Variants in RP2 observed in about 807,000 individuals in gnomAD.
The protein encoded by RP2 is RP2 activator of ARL3 GTPase.
A neutral mutation model predicts 20.3 loss-of-function variants in RP2; 3 were observed. That is an observed-to-expected ratio of 0.15 (90% CI 0.07 to 0.38). The LOEUF (loss-of-function observed/expected upper bound fraction) is 0.38. Among genes scored for constraint, RP2 ranks in the 10% least tolerant of loss-of-function variants. The pLI is 1.00. For synonymous variants in RP2, 75 were observed against 94.8 expected (o/e 0.79, Z 1.22); for missense variants, 233 against 268.5 (o/e 0.87, Z 0.92).
At chrX:46,868,643 G>A (rs1339279222) in intron 3 of RP2, among the ~76,000 whole-genome samples, 7 of 107,781 alleles carry the variant, frequency 6.5e-5, no homozygotes, top group African/African-American at 1.7e-4. Flanking sequence ...AAAATTAGCC[G>A]GGCGTGGTGG....
chrX:46,862,602 G>A, intron 3 of RP2, among the ~76,000 whole-genome samples: 1 of 110,817 alleles, frequency 9.0e-6, no homozygotes, highest in Non-Finnish European at 1.9e-5. Context: ...GGAGCTTGCA[G>A]TGAGCCAAGA....
chrX:46,837,215 G>T lies in RP2; in HGVS notation c.102+13G>T, dbSNP rs371530596. 8.6e-7 allele frequency: 1 copy of T among 1,162,262 alleles called. No individual in the cohort carries two copies. The highest frequency in any genetic ancestry group is 1.9e-5 in the South Asian group (1 of 52,585). On this transcript the variant is annotated intron_variant, in intron 1 of 4. Coordinates refer to ENST00000218340, the MANE Select transcript of RP2 (RefSeq NM_006915.3). ...TCAGCGCGAGAAGGTAATGAAAGTC[G>T]TGTAGCCGCCGTCTCAGCCTCCCTG...
intron 3 of RP2, among the ~76,000 whole-genome samples, chrX:46,863,464 AG>A (rs1925113409): frequency 8.9e-6 from 1 of 112,421 alleles, no homozygotes; most frequent in East Asian, 2.8e-4. Flanking sequence ...GCTGCTCAGC[AG>A]TGCGCTGATT....
chrX:46,879,332 A>G (rs1556328303), intron 4 of RP2, among the ~76,000 whole-genome samples: 1 of 95,389 alleles, frequency 1.0e-5, no homozygotes, highest in African/African-American at 3.4e-5. Context: ...TACTGAGATT[A>G]TTATTAGAAA....
At chrX:46,848,503 C>T (rs1924799220) in intron 1 of RP2, among the ~76,000 whole-genome samples, 2 of 105,830 alleles carry the variant, frequency 1.9e-5, no homozygotes, top group African/African-American at 6.9e-5. Flanking sequence ...CCTGCCTCAG[C>T]CTCCCAAGTA....
intron 1 of RP2, among the ~76,000 whole-genome samples, chrX:46,845,046 A>T (rs782024013): frequency 4.7e-3 from 528 of 112,108 alleles, no homozygotes; most frequent in Non-Finnish European, 8.6e-3. Flanking sequence ...AAATAGGCTA[A>T]AAGCCTACTG....
intron 3 of RP2, among the ~76,000 whole-genome samples, chrX:46,871,241 CA>C (rs1299648662): frequency 6.4e-5 from 7 of 109,165 alleles, no homozygotes; most frequent in Admixed American, 3.9e-4. Context: ...AGGCTAGTCT[CA>C]AACTCCTGAC....
At chrX:46,845,405 G>T (rs1385562971) in intron 1 of RP2, among the ~76,000 whole-genome samples, 2 of 112,204 alleles carry the variant, frequency 1.8e-5, no homozygotes, top group Non-Finnish European at 3.8e-5. Flanking sequence ...CCCTGAAGCT[G>T]ACTTAACAAT....
rs369275347 is a variant in RP2 at position 46,876,944 on chromosome X, TA to T, written c.884-556del. ...ATATTCTATTAAAAGGATTAAAAAA[TA>T]AAAACTTTGTCTATGTTTCTAGAAT... On this transcript the variant is annotated intron_variant, in intron 3 of 4. Coordinates refer to ENST00000218340, the MANE Select transcript of RP2 (RefSeq NM_006915.3). Among the ~76,000 whole-genome samples, 22 of 112,345 alleles carry T rather than the reference TA, an allele frequency of 2.0e-4. 1 individual carries two copies. The highest frequency in any genetic ancestry group is 6.8e-4 in the African/African-American group (21 of 31,013).
intron 1 of RP2, among the ~76,000 whole-genome samples, chrX:46,851,617 CAA>C (rs1430586762): frequency 1.9e-5 from 2 of 106,073 alleles, no homozygotes; most frequent in African/African-American, 6.9e-5. Context: ...GCCTGGGTGA[CAA>C]GAGTGAAACT....
intron 1 of RP2, among the ~76,000 whole-genome samples, chrX:46,849,845 G>C (rs1924829350): frequency 9.0e-6 from 1 of 111,531 alleles, no homozygotes; most frequent in Non-Finnish European, 1.9e-5. Context: ...CCTACACATG[G>C]CTGTATTTGG....
intron 1 of RP2, among the ~76,000 whole-genome samples, chrX:46,852,779 C>T (rs947605173): frequency 9.0e-6 from 1 of 110,614 alleles, no homozygotes; most frequent in African/African-American, 3.3e-5. Flanking sequence ...GACGGGGTTT[C>T]GCCATGTTGG....
At chrX:46,843,505 A>G (rs1456811322) in intron 1 of RP2, among the ~76,000 whole-genome samples, 1 of 111,791 alleles carries the variant, frequency 8.9e-6, no homozygotes, top group African/African-American at 3.3e-5. Flanking sequence ...CTGGTAAACT[A>G]ATTTAGCTTT....
intron 3 of RP2, among the ~76,000 whole-genome samples, chrX:46,870,611 C>T (rs982604084): frequency 2.7e-5 from 3 of 111,722 alleles, no homozygotes; most frequent in South Asian, 3.7e-4. Context: ...GTGAAAAATA[C>T]GGCACTACCT....
chrX:46,851,006 C>T (rs1556318006), intron 1 of RP2, among the ~76,000 whole-genome samples: 1 of 111,486 alleles, frequency 9.0e-6, no homozygotes, highest in African/African-American at 3.3e-5. Context: ...CTTTTATTGC[C>T]TCATACTGCA....
intron 1 of RP2, among the ~76,000 whole-genome samples, chrX:46,853,074 T>C (rs1324158632): frequency 8.9e-6 from 1 of 111,962 alleles, no homozygotes; most frequent in Non-Finnish European, 1.9e-5. Context: ...CAAAGCTTAG[T>C]ACATTTTTTA....
intron 3 of RP2, among the ~76,000 whole-genome samples, chrX:46,870,339 G>A (rs1279169455): frequency 1.8e-5 from 2 of 110,677 alleles, no homozygotes; most frequent in East Asian, 5.7e-4. Flanking sequence ...GAACTGCTGG[G>A]CTCAGGTGAT....
intron 3 of RP2, among the ~76,000 whole-genome samples, chrX:46,864,249 C>T (rs1293232477): frequency 9.0e-6 from 1 of 111,492 alleles, no homozygotes; most frequent in Non-Finnish European, 1.9e-5. Flanking sequence ...GCTGCAGTGA[C>T]CCATGATCGT....
chrX:46,846,227 G>T (rs1049715279), intron 1 of RP2, among the ~76,000 whole-genome samples: 2 of 111,825 alleles, frequency 1.8e-5, no homozygotes, highest in Non-Finnish European at 3.8e-5. Context: ...GTGAACATAA[G>T]TTTTCATTTC....
Sources: allele counts gnomAD v4.1 joint callset (sites outside exome capture counted in the v4.1 genomes callset), GRCh38; gene constraint gnomAD v4.1.1; transcripts MANE v1.5; gene names NCBI Gene and HGNC (gene_info 2026-07-23, HGNC 2026-07-21).